Variants in PARD3B observed in about 807,000 individuals in gnomAD.
PARD3B encodes partitioning defective 3 homolog B.
In PARD3B, 103 loss-of-function variants were observed where a neutral mutation model predicts 130.2. The ratio of observed to expected loss-of-function variants is 0.79; its 90% CI spans 0.67 to 0.93. The LOEUF (loss-of-function observed/expected upper bound fraction) is 0.93. Among genes scored for constraint, PARD3B ranks in the 40% least tolerant of loss-of-function variants. The pLI, the probability that PARD3B is intolerant of heterozygous loss-of-function variation, is 0.00. For synonymous variants in PARD3B, 583 were observed against 553.2 expected (o/e 1.05, Z -0.76); for missense variants, 1,609 against 1,499.2 (o/e 1.07, Z -1.21).
intron 2 of PARD3B, among the ~76,000 whole-genome samples, chr2:204,829,726 G>C (rs112601939): frequency 2.0e-5 from 3 of 151,992 alleles, no homozygotes; most frequent in African/African-American, 7.2e-5. Context: ...CTGGCCGGGC[G>C]CGGTGGCTCA....
intron 3 of PARD3B, among the ~76,000 whole-genome samples, chr2:204,997,381 C>G (rs1324826121): frequency 2.0e-5 from 3 of 152,182 alleles, no homozygotes; most frequent in African/African-American, 4.8e-5. Flanking sequence ...AATGAACATG[C>G]TATATCTTCT....
intron 2 of PARD3B, among the ~76,000 whole-genome samples, chr2:204,706,475 C>G (rs911822137): frequency 6.6e-6 from 1 of 152,018 alleles, no homozygotes; most frequent in African/African-American, 2.4e-5. Context: ...CCAGTGACAA[C>G]TGATAGAAGA....
intron 18 of PARD3B, among the ~76,000 whole-genome samples, chr2:205,371,684 C>T (rs2044823315): frequency 6.6e-6 from 1 of 152,114 alleles, no homozygotes; most frequent in South Asian, 2.1e-4. Flanking sequence ...GTAACCCAGT[C>T]ATTTGATTTG....
intron 8 of PARD3B, among the ~76,000 whole-genome samples, chr2:205,123,072 A>G (rs983801149): frequency 1.3e-5 from 2 of 152,248 alleles, no homozygotes; most frequent in African/African-American, 4.8e-5. Context: ...AAGATACGAC[A>G]TCACATCTGT....
intron 7 of PARD3B, among the ~76,000 whole-genome samples, chr2:205,119,617 A>G (rs2030406880): frequency 6.6e-6 from 1 of 152,004 alleles, no homozygotes; most frequent in Admixed American, 6.6e-5. Flanking sequence ...CATCTCTACT[A>G]AAGGTACGAG....
chr2:204,916,646 T>A (rs1028128345), intron 2 of PARD3B, among the ~76,000 whole-genome samples: 1 of 150,142 alleles, frequency 6.7e-6, no homozygotes, highest in Non-Finnish European at 1.5e-5. Context: ...AAGATGTAGT[T>A]TTTTTTTATG....
intron 19 of PARD3B, among the ~76,000 whole-genome samples, chr2:205,408,557 A>G (rs1257321417): frequency 6.6e-6 from 1 of 152,164 alleles, no homozygotes; most frequent in Non-Finnish European, 1.5e-5. Context: ...ATCTACACAC[A>G]TATAACGCTC....
At chr2:205,127,183 G>A (rs902359698) in intron 10 of PARD3B, among the ~76,000 whole-genome samples, 1 of 151,618 alleles carries the variant, frequency 6.6e-6, no homozygotes, top group African/African-American at 2.4e-5. Flanking sequence ...TGTAGTCCCA[G>A]CTGCTCAGGA....
At chr2:204,809,701 T>A (rs2042896714) in intron 2 of PARD3B, among the ~76,000 whole-genome samples, 1 of 152,212 alleles carries the variant, frequency 6.6e-6, no homozygotes. Flanking sequence ...TTCTTTTTGC[T>A]TAGAATTGCC....
intron 1 of PARD3B, among the ~76,000 whole-genome samples, chr2:204,590,721 A>G (rs935981911): frequency 6.6e-6 from 1 of 152,226 alleles, no homozygotes; most frequent in Non-Finnish European, 1.5e-5. Context: ...CTTTAGAAGG[A>G]CTAGGACTCA....
intron 1 of PARD3B, among the ~76,000 whole-genome samples, chr2:204,590,941 A>T (rs1316053029): frequency 6.6e-6 from 1 of 152,186 alleles, no homozygotes; most frequent in African/African-American, 2.4e-5. Flanking sequence ...AGGCAGTGAG[A>T]CTTTTTCTGT....
intron 2 of PARD3B, among the ~76,000 whole-genome samples, chr2:204,878,198 A>G (rs1233749698): frequency 1.3e-5 from 2 of 152,340 alleles, no homozygotes; most frequent in South Asian, 4.1e-4. Flanking sequence ...GGTGACTTTG[A>G]TATGTCAGAA....
chr2:205,078,125 A>G lies in PARD3B; in HGVS notation c.505-26301A>G, dbSNP rs938668059. Among the ~76,000 whole-genome samples the G allele has an allele frequency of 1.3e-5, 2 of 152,186 alleles. No homozygotes were observed. Among genetic ancestry groups the G allele is most frequent in the African/African-American group, 4.8e-5 (2 of 41,454 alleles). ...GCATGGCTTTCCAAAAAGGTGATTT[A>G]TGTAATTAAGAGTGAGATATAGTTT... is the stretch of plus-strand genomic sequence containing the variant. On this transcript the variant is annotated intron_variant, in intron 4 of 22. Coordinates refer to ENST00000406610, the MANE Select transcript of PARD3B (RefSeq NM_001302769.2). This position sits in a 1 kb window ranked among gnomAD's most constrained non-coding sequence, Gnocchi z 4.0.
intron 1 of PARD3B, among the ~76,000 whole-genome samples, chr2:204,666,503 A>T (rs778948298): frequency 2.6e-5 from 4 of 152,188 alleles, no homozygotes; most frequent in African/African-American, 4.8e-5. Flanking sequence ...AGAAACCAAT[A>T]GGTGGCTATT....
chr2:205,323,902 G>C (rs2042845560), intron 18 of PARD3B, among the ~76,000 whole-genome samples: 3 of 152,058 alleles, frequency 2.0e-5, no homozygotes, highest in Non-Finnish European at 4.4e-5. Flanking sequence ...ACCAAATATA[G>C]CCCTCCCCAA....
intron 1 of PARD3B, among the ~76,000 whole-genome samples, chr2:204,590,853 T>A (rs1309067716): frequency 6.6e-6 from 1 of 152,164 alleles, no homozygotes; most frequent in Non-Finnish European, 1.5e-5. Context: ...AAACCCTGAG[T>A]ATGGAGTGAT....
At chr2:204,918,458 G>A (rs538436392) in intron 2 of PARD3B, among the ~76,000 whole-genome samples, 1 of 151,906 alleles carries the variant, frequency 6.6e-6, no homozygotes, top group South Asian at 2.1e-4. Flanking sequence ...GTGAAACCCC[G>A]TCTCTACTAA....
intron 2 of PARD3B, among the ~76,000 whole-genome samples, chr2:204,915,778 T>A (rs1348817046): frequency 6.6e-6 from 1 of 152,198 alleles, no homozygotes; most frequent in African/African-American, 2.4e-5. Flanking sequence ...GGCACCCTGT[T>A]CACTAGGTTT....
Position 204,587,019 on chromosome 2 carries a change from T to C in PARD3B, c.120+40900T>C, listed in dbSNP as rs2032855358. The stretch of plus-strand genomic sequence containing the variant: ...TGCTAGATAATGGCACAAAACCAGA[T>C]CCTTCAGACTGTATAAATGCAATGT... On this transcript the variant is annotated intron_variant, in intron 1 of 22. Transcript: ENST00000406610. Among the ~76,000 whole-genome samples, 8 of 152,264 alleles carry C rather than the reference T, an allele frequency of 5.3e-5. No individual in the cohort carries two copies. The South Asian group carries it at 1.7e-3, about 32-fold the overall frequency.
Sources: allele counts gnomAD v4.1 joint callset (sites outside exome capture counted in the v4.1 genomes callset), GRCh38; gene constraint gnomAD v4.1.1; non-coding constraint Gnocchi (gnomAD v3.1); transcripts MANE v1.5; gene names NCBI Gene and HGNC (gene_info 2026-07-23, HGNC 2026-07-21).